SPOCK3: variants seen among roughly 807,000 people sequenced by gnomAD.
SPOCK3 encodes testican-3.
SPOCK3 carries 30 observed loss-of-function variants against 56.6 expected under a neutral mutation model. The ratio of observed to expected loss-of-function variants is 0.53; its 90% CI spans 0.40 to 0.72. The LOEUF (loss-of-function observed/expected upper bound fraction) is 0.72. Ranked by LOEUF, SPOCK3 falls within the 30% of genes least tolerant of loss-of-function variation. SPOCK3 has a pLI of 0.00. For missense variants in SPOCK3, 527 were observed against 530.0 expected (o/e 0.99, Z 0.06); for synonymous variants, 196 against 183.3 (o/e 1.07, Z -0.56).
intron 4 of SPOCK3, among the ~76,000 whole-genome samples, chr4:166,949,102 A>G (rs931259638): frequency 8.6e-5 from 13 of 151,968 alleles, no homozygotes; most frequent in African/African-American, 3.1e-4. Context: ...TTCATCTTCC[A>G]TCGCTGATAC....
intron 3 of SPOCK3, among the ~76,000 whole-genome samples, chr4:167,054,542 G>A (rs1287680916): frequency 6.6e-6 from 1 of 152,148 alleles, no homozygotes; most frequent in South Asian, 2.1e-4. Flanking sequence ...CACTAATGAA[G>A]AGAAGTAATA....
chr4:166,849,914 T>C (rs1748500961), intron 6 of SPOCK3, among the ~76,000 whole-genome samples: 1 of 152,212 alleles, frequency 6.6e-6, no homozygotes, highest in Non-Finnish European at 1.5e-5. Context: ...GCCAGAATTC[T>C]CTAACTTTTT....
intron 6 of SPOCK3, among the ~76,000 whole-genome samples, chr4:166,874,504 C>T (rs1372731324): frequency 6.6e-6 from 1 of 152,124 alleles, no homozygotes; most frequent in Non-Finnish European, 1.5e-5. Flanking sequence ...ATTTGATCTT[C>T]ACAAATACTC....
At chr4:167,195,753 T>C (rs1258216864) in intron 2 of SPOCK3, among the ~76,000 whole-genome samples, 1 of 152,206 alleles carries the variant, frequency 6.6e-6, no homozygotes, top group East Asian at 1.9e-4. Context: ...GATTGTTCTG[T>C]GTCTGTGGCA....
At chr4:167,055,375 G>A (rs568238938) in intron 3 of SPOCK3, among the ~76,000 whole-genome samples, 9 of 152,174 alleles carry the variant, frequency 5.9e-5, no homozygotes, top group Non-Finnish European at 8.8e-5. Context: ...CGTGAGCAAC[G>A]CAGAAGATGG....
Position 166,749,848 on chromosome 4 carries a change from C to T in SPOCK3, c.931+4660G>A, listed in dbSNP as rs192059941. On this transcript the variant is annotated intron_variant, in intron 8 of 10. Coordinates refer to ENST00000357545, the MANE Select transcript of SPOCK3 (RefSeq NM_001040159.2). ...CAGACATTTAAAATTTTATAGCTCT[C>T]CAAATATGACATTTAAGAACTAAGA... 1.7e-3 allele frequency among the ~76,000 whole-genome samples: 257 copies of T among 152,080 alleles called. 3 individuals are homozygous for T. In the South Asian group the frequency reaches 0.024, roughly 14 times the overall value.
At chr4:167,182,348 T>G (rs982680733) in intron 2 of SPOCK3, among the ~76,000 whole-genome samples, 3 of 151,402 alleles carry the variant, frequency 2.0e-5, no homozygotes, top group African/African-American at 7.3e-5. Context: ...CACCTAACCC[T>G]TTCACATTTA....
chr4:166,790,951 A>G (rs1333165040), intron 7 of SPOCK3, among the ~76,000 whole-genome samples: 1 of 152,198 alleles, frequency 6.6e-6, no homozygotes, highest in Non-Finnish European at 1.5e-5. Flanking sequence ...AGGCAAATAT[A>G]CTGAATCATT....
chr4:167,218,133 C>T (rs1002679129), intron 2 of SPOCK3, among the ~76,000 whole-genome samples: 1 of 152,090 alleles, frequency 6.6e-6, no homozygotes, highest in Non-Finnish European at 1.5e-5. Context: ...TCTTATGTTT[C>T]TAACATGGCA....
intron 4 of SPOCK3, among the ~76,000 whole-genome samples, chr4:166,920,751 T>A (rs1239529368): frequency 6.6e-6 from 1 of 152,200 alleles, no homozygotes; most frequent in Non-Finnish European, 1.5e-5. Flanking sequence ...TGGAAAAATA[T>A]TGTTTGACTA....
At chr4:167,004,212 G>C (rs1384106108) in intron 3 of SPOCK3, among the ~76,000 whole-genome samples, 3 of 152,134 alleles carry the variant, frequency 2.0e-5, no homozygotes, top group Non-Finnish European at 4.4e-5. Context: ...GAGAGACAGA[G>C]AGATCACATG....
At chr4:167,077,803 C>T (rs551772103) in intron 2 of SPOCK3, among the ~76,000 whole-genome samples, 3 of 151,442 alleles carry the variant, frequency 2.0e-5, no homozygotes, top group Non-Finnish European at 4.4e-5. Context: ...TTATTTATTG[C>T]ACTTATTACC....
chr4:167,009,901 TG>T (rs1289529717), intron 3 of SPOCK3, among the ~76,000 whole-genome samples: 1 of 151,730 alleles, frequency 6.6e-6, no homozygotes, highest in Non-Finnish European at 1.5e-5. Flanking sequence ...CATGATAATA[TG>T]AAAAAAATTA....
intron 2 of SPOCK3, among the ~76,000 whole-genome samples, chr4:167,108,972 TAA>T (rs1760448126): frequency 1.4e-4 from 7 of 51,634 alleles, no homozygotes; most frequent in South Asian, 1.1e-3. Context: ...TATAAATATA[TAA>T]ATATTATAAA....
At chr4:167,164,979 G>T (rs1297148260) in intron 2 of SPOCK3, among the ~76,000 whole-genome samples, 1 of 152,104 alleles carries the variant, frequency 6.6e-6, no homozygotes, top group African/African-American at 2.4e-5. Flanking sequence ...TGGGTCAAAT[G>T]ATATATCTGG....
Position 166,825,984 on chromosome 4 carries a change from C to T in SPOCK3, c.590-33695G>A, listed in dbSNP as rs190066918. 3.3e-5 allele frequency among the ~76,000 whole-genome samples: 5 copies of T among 152,092 alleles called. No homozygotes were observed. The East Asian group carries it at 9.7e-4, about 30-fold the overall frequency. On this transcript the variant is annotated intron_variant, in intron 6 of 10. Transcript: ENST00000357545. ...ACAGGTGCACCAAAATCTCAGAAAT[C>T]ACCACTAAATAACTTATCCATGTAA...
chr4:166,767,341 C>T (rs1234843532), intron 7 of SPOCK3, among the ~76,000 whole-genome samples: 3 of 68,468 alleles, frequency 4.4e-5, no homozygotes, highest in African/African-American at 1.4e-4. Context: ...TATAAATTTC[C>T]CTCTCCACAC....
At chr4:167,190,045 C>T (rs1732343021) in intron 2 of SPOCK3, among the ~76,000 whole-genome samples, 2 of 145,826 alleles carry the variant, frequency 1.4e-5, no homozygotes, top group Non-Finnish European at 1.5e-5. Context: ...AGATTGTTTT[C>T]ATATTTCATC....
chr4:167,212,185 T>G (rs1362589546), intron 2 of SPOCK3, among the ~76,000 whole-genome samples: 1 of 152,152 alleles, frequency 6.6e-6, no homozygotes, highest in Non-Finnish European at 1.5e-5. Flanking sequence ...GTTGTGTTCA[T>G]TTTAGATTTT....
Sources: allele counts gnomAD v4.1 joint callset (sites outside exome capture counted in the v4.1 genomes callset), GRCh38; gene constraint gnomAD v4.1.1; transcripts MANE v1.5; gene names NCBI Gene and HGNC (gene_info 2026-07-23, HGNC 2026-07-21).